NACA: variants seen among roughly 807,000 people sequenced by gnomAD.
NACA encodes the protein nascent polypeptide-associated complex subunit alpha.
NACA carries 42 observed loss-of-function variants against 86.4 expected under a neutral mutation model. The observed-to-expected ratio is 0.49, with a 90% CI of 0.38 to 0.63. The LOEUF is 0.63. NACA is among the 20% of genes least tolerant of loss of function. The pLI, the probability that NACA is intolerant of heterozygous loss-of-function variation, is 0.00. For synonymous variants in NACA, 898 were observed against 973.7 expected, an observed-to-expected ratio of 0.92 and a Z score of 1.45; for missense variants, 2,157 against 2,483.6, an observed-to-expected ratio of 0.87 and a Z score of 2.80.
Position 56,720,485 on chromosome 12 carries a change from A to G in NACA, c.1045T>C (p.Ser349Pro), listed in dbSNP as rs780869837. ...ISVDHSSTGA[S>P]YPSQRSVIPP... is the part of the protein sequence containing the mutation. ...ATTACAGATCTCTGAGAAGGATAAG[A>G]GGCCCCTGTGGAAGAATGATCTACA... is the stretch of plus-strand genomic sequence containing the variant. Residue 349 changes from serine (S) to proline (P), a missense_variant, in exon 3 of 9, where the codon TCT (serine) becomes CCT (proline). By Grantham distance (74) the Ser-to-Pro change is moderately conservative. Transcript: ENST00000454682. 6.2e-7 allele frequency: 1 copy of G among 1,613,676 alleles called. No homozygotes were observed. Among genetic ancestry groups the G allele is most frequent in the African/African-American group, 1.3e-5 (1 of 74,902 alleles).
In NACA at chr12:56,716,071, G is replaced by A; in HGVS notation, c.5459C>T (p.Ser1820Phe). The A allele has an allele frequency of 6.2e-7, 1 of 1,612,852 alleles. No homozygotes were observed. Among genetic ancestry groups the A allele is most frequent in the Non-Finnish European group, 8.5e-7 (1 of 1,179,232 alleles). The part of the protein sequence containing the change: ...LPPKQQFLPS[S>F]PGLVLESPSK... ...GGGTGATTCCAACACCAGCCCAGGA[G>A]AGGACGGCAGAAATTGCTGTTTAGG... Residue 1820 changes from serine (S) to phenylalanine (F), a missense_variant, in exon 3 of 9, where the codon TCT (serine) becomes TTT (phenylalanine). Physicochemically the swap from Ser to Phe is radical, Grantham distance 155 (BLOSUM62 -2). Transcript: ENST00000454682.
Position 56,716,190 on chromosome 12 carries a change from C to A in NACA, c.5340G>T (p.Lys1780Asn). The change falls in exon 3 of 9, where the codon AAG (lysine) becomes AAT (asparagine). Residue 1780 changes from lysine (K) to asparagine (N), a missense_variant. Around this residue, in one of 8 missense-constraint regions of NACA, gnomAD observed 797 missense variants for 777.6 expected, o/e 1.02. Coordinates refer to ENST00000454682, the MANE Select transcript of NACA (RefSeq NM_001365896.1). Reference sequence around the variant, plus strand: ...ATGCTGATTCAGGTTTAGGAAGGACCTTCTCAAAGGCAGCTGCTGTTAGAG... The same window carrying A: ...ATGCTGATTCAGGTTTAGGAAGGACATTCTCAAAGGCAGCTGCTGTTAGAG... ...STPLTAAAFE[K>N]VLPKPESASV... 6.2e-7 allele frequency: 1 copy of A among 1,613,700 alleles called. No individual in the cohort carries two copies. The highest frequency in any genetic ancestry group is 1.1e-5 in the South Asian group (1 of 91,080).
At position 56,717,036 on chromosome 12, in the gene NACA, G is replaced by A; in HGVS notation, c.4494C>T (p.Ala1498=). ...SSPKKAPATP[A]PMGAPTLPAV... ...CTGGCAGAGTGGGGGCCCCCATGGG[G>A]GCTGGAGTTGCTGGGGCCTTTTTGG... Residue 1498 remains alanine (A), a synonymous_variant, in exon 3 of 9, where the codon GCC becomes GCT. Coordinates refer to ENST00000454682, the MANE Select transcript of NACA (RefSeq NM_001365896.1). 7.8e-7 allele frequency: 1 copy of A among 1,286,810 alleles called. No homozygotes were observed. Among genetic ancestry groups the A allele is most frequent in the Non-Finnish European group, 1.0e-6 (1 of 999,344 alleles). The allele number at this position is 1,286,810 out of a possible 1,614,324, so 79.7% of individuals were successfully genotyped here. A position where few individuals can be genotyped will look rare whatever the true frequency, so the allele number is the denominator to read the frequency against.
At chr12:56,714,041 T>G in intron 5 of NACA, 1 of 374,906 alleles carries the variant, frequency 2.7e-6, no homozygotes. Context: ...GAGATGGGGT[T>G]TCGCCATGTT....
At chr12:56,713,740 G>T in intron 5 of NACA, 57 bp from the exon 6 acceptor site, 1 of 1,537,076 alleles carries the variant, frequency 6.5e-7, no homozygotes, top group Non-Finnish European at 8.9e-7. Flanking sequence ...GCCTAAAGAA[G>T]CAAGGAACAT....
chr12:56,714,627 G>T lies in NACA; in HGVS notation c.5720C>A (p.Thr1907Asn). The T allele has an allele frequency of 6.2e-7, 1 of 1,614,140 alleles. No individual in the cohort carries two copies. Among genetic ancestry groups the T allele is most frequent in the Non-Finnish European group, 8.5e-7 (1 of 1,180,030 alleles). The change falls in exon 4 of 9, where the codon ACC (threonine) becomes AAC (asparagine). Residue 1907 changes from threonine to asparagine, a missense_variant. Transcript: ENST00000454682. ...CTGGGCTTGTTGTGTGGTTGCCTGG[G>T]TGGAATCCTGTTCTTCAAGCTCTGG... ...SVPELEEQDS[T>N]QATTQQAQLA...
chr12:56,714,122 C>G, intron 5 of NACA: 1 of 507,452 alleles, frequency 2.0e-6, no homozygotes, highest in Admixed American at 3.4e-5. Context: ...GCTGGGATAA[C>G]AGGTGTGAGC....
In NACA at chr12:56,717,118, G is replaced by A. The variant is rs1953395081; in HGVS notation, c.4412C>T (p.Thr1471Ile). The change falls in exon 3 of 9, where the codon ACT becomes ATT. Residue 1471 changes from threonine (T) to isoleucine (I), a missense_variant. Around this residue, in one of 8 missense-constraint regions of NACA, gnomAD observed 797 missense variants for 777.6 expected, o/e 1.02. Transcript: ENST00000454682. ...SKGDPTLPAV[T>I]PPSPKEPPAP... ...TGGGGGCTCCTTGGGGGAAGGAGGA[G>A]TCACTGCTGGGAGGGTGGGATCCCC... 2.4e-6 allele frequency: 3 copies of A among 1,272,754 alleles called. No individual in the cohort carries two copies. Among genetic ancestry groups the A allele is most frequent in the Admixed American group, 3.1e-5 (1 of 31,780 alleles). 78.8% of individuals were successfully genotyped at this position (1,272,754 alleles called of 1,614,324 possible).
At chr12:56,714,313 T>G (rs1249724161) in intron 5 of NACA, 49 bp downstream of exon 5, 3 of 1,575,308 alleles carry the variant, frequency 1.9e-6, no homozygotes, top group Non-Finnish European at 2.6e-6. Context: ...ACAGTTCCAC[T>G]CTGTATAAAG....
Position 56,720,774 on chromosome 12 carries a change from G to A in NACA, c.756C>T (p.Ser252=). Residue 252 remains serine, a synonymous_variant, in exon 3 of 9, where the codon TCC becomes TCT. Coordinates refer to ENST00000454682, the MANE Select transcript of NACA (RefSeq NM_001365896.1). ...ASPQVKDTTI[S]SVLISPQNPG... ...GGTTTTGTGGAGAAATCAGAACTGA[G>A]GAAATGGTGGTATCTTTGACTTGAG... The A allele has an allele frequency of 1.2e-6, 2 of 1,614,012 alleles. No individual in the cohort carries two copies. The highest frequency in any genetic ancestry group is 1.7e-6 in the Non-Finnish European group (2 of 1,179,902).
In NACA at chr12:56,720,134, G is replaced by C; in HGVS notation, c.1396C>G (p.Pro466Ala). 6.2e-7 allele frequency: 1 copy of C among 1,613,952 alleles called. No individual in the cohort carries two copies. Among genetic ancestry groups the C allele is most frequent in the Non-Finnish European group, 8.5e-7 (1 of 1,179,874 alleles). ...TTACTTATGGGACCTGATGACATTG[G>C]AGGAGAAACACAAGTAGCTACCTCA... is the stretch of plus-strand genomic sequence containing the variant. Reference protein sequence around the residue: ...TFEVATCVSPPMSSGPISNIE... With the variant: ...TFEVATCVSPAMSSGPISNIE... Residue 466 changes from proline to alanine, a missense_variant, in exon 3 of 9, where the codon CCA (proline) becomes GCA (alanine). Physicochemically the swap from Pro to Ala is conservative, Grantham distance 27. Transcript: ENST00000454682.
In NACA at chr12:56,716,687, T is replaced by A. The variant is rs996992500; in HGVS notation, c.4843A>T (p.Thr1615Ser). 14 of 1,407,802 alleles carry A rather than the reference T, an allele frequency of 9.9e-6. No individual in the cohort carries two copies. The highest frequency in any genetic ancestry group is 1.3e-5 in the Non-Finnish European group (14 of 1,056,212). 87.2% of individuals were successfully genotyped at this position (1,407,802 alleles called of 1,614,324 possible). The change falls in exon 3 of 9, where the codon ACT becomes TCT. Residue 1615 changes from threonine (T) to serine (S), a missense_variant. By Grantham distance (58) the Thr-to-Ser change is moderately conservative (BLOSUM62 1). Coordinates refer to ENST00000454682, the MANE Select transcript of NACA (RefSeq NM_001365896.1). Reference protein sequence around the residue: ...VTSPSPKEAPTPPAVTPPSPE... With the variant: ...VTSPSPKEAPSPPAVTPPSPE... ...GATGGAGGAGTCACAGCTGGAGGAGTAGGTGCCTCTTTGGGGGAAGGAGAA... is the reference window on the plus strand; with the variant it reads ...GATGGAGGAGTCACAGCTGGAGGAGAAGGTGCCTCTTTGGGGGAAGGAGAA...
intron 7 of NACA, 37 bp downstream of exon 7, chr12:56,713,025 C>T (rs771007076): frequency 3.1e-6 from 5 of 1,612,958 alleles, no homozygotes; most frequent in East Asian, 2.2e-5. Flanking sequence ...CAATGCTATA[C>T]GGCGAGAGTT....
chr12:56,713,394 T>C (rs1347593691), intron 6 of NACA, 143 bp downstream of exon 6: 21 of 1,261,334 alleles, frequency 1.7e-5, no homozygotes, highest in Non-Finnish European at 2.2e-5. Context: ...CCAGGAGATA[T>C]ATGGCAATGG....
chr12:56,721,578 GTCTAAGTCACC>G, intron 2 of NACA, 119 bp from the exon 3 acceptor site: 2 of 613,326 alleles, frequency 3.3e-6, no homozygotes, highest in Non-Finnish European at 5.4e-6. Context: ...AAATCTGACA[GTCTAAGTCACC>G]ACGCAGGATT....
chr12:56,712,814 T>C lies in NACA; in HGVS notation c.6194A>G (p.Asn2065Ser). 3.1e-6 allele frequency: 5 copies of C among 1,614,250 alleles called. No homozygotes were observed. The highest frequency in any genetic ancestry group is 4.2e-6 in the Non-Finnish European group (5 of 1,180,048). Residue 2065 changes from asparagine to serine, a missense_variant, in exon 8 of 9, where the codon AAC becomes AGC. Asn to Ser is a conservative substitution (Grantham distance 46, BLOSUM62 1). This residue lies in a region of NACA where 81 missense variants were observed against 200.6 expected (regional missense o/e 0.40). Transcript: ENST00000454682. ...AATCGCATTTACAATATCATTACTGTTGTTCTTCAGGGCTCGGACTGCCTT... is the reference window on the plus strand; with the variant it reads ...AATCGCATTTACAATATCATTACTGCTGTTCTTCAGGGCTCGGACTGCCTT... The part of the protein sequence containing the change: ...RAKAVRALKN[N>S]SNDIVNAIME...
chr12:56,724,747 G>A (rs1953666126), intron 1 of NACA: 10 of 533,874 alleles, frequency 1.9e-5, no homozygotes, highest in South Asian at 1.8e-4. Flanking sequence ...CTCAACCCGA[G>A]GGAGAGGATC....
chr12:56,719,982 T>C lies in NACA; in HGVS notation c.1548A>G (p.Lys516=). ...TAACCAATACTGAACTGGGGAGATT[T>C]TTGAGGTCTTCAGGGTCTGGCAGAG... is the stretch of plus-strand genomic sequence containing the variant. ...SPPLPDPEDL[K]NLPSSVLVKF... Residue 516 remains lysine (K), a synonymous_variant, in exon 3 of 9, where the codon AAA becomes AAG. Coordinates refer to ENST00000454682, the MANE Select transcript of NACA (RefSeq NM_001365896.1). 1.2e-6 allele frequency: 2 copies of C among 1,613,880 alleles called. No homozygotes were observed. The highest frequency in any genetic ancestry group is 2.7e-5 in the African/African-American group (2 of 75,000).
rs751396991 is a variant in NACA, at chr12:56,720,821, T to C, written c.709A>G (p.Thr237Ala). The C allele has an allele frequency of 6.2e-7, 1 of 1,613,902 alleles. No individual in the cohort carries two copies. Among genetic ancestry groups the C allele is most frequent in the Non-Finnish European group, 8.5e-7 (1 of 1,179,876 alleles). ...VASLPQTTPT[T>A]TLAIASPQVK... ...TGAGGGGAAGCGATGGCTAGGGTAG[T>C]TGTGGGTGTTGTCTGAGGAAGGGAG... Residue 237 changes from threonine (T) to alanine (A), a missense_variant, in exon 3 of 9, where the codon ACT (threonine) becomes GCT (alanine). By Grantham distance (58) the Thr-to-Ala change is moderately conservative (BLOSUM62 0). Around this residue, in one of 8 missense-constraint regions of NACA, gnomAD observed 947 missense variants for 917.9 expected, o/e 1.03. Coordinates refer to ENST00000454682, the MANE Select transcript of NACA (RefSeq NM_001365896.1).
Sources: gnomAD v4.1 joint callset for allele counts on GRCh38, gnomAD v4.1.1 for gene constraint, gnomAD v4.1.1 regional missense constraint, MANE v1.5 for transcripts, NCBI Gene and HGNC (gene_info 2026-07-23, HGNC 2026-07-21) for gene names.